Variants in RABL2A observed in about 807,000 individuals in gnomAD.
RABL2A encodes the protein RAB, member of RAS oncogene family like 2A.
RABL2A carries 17 observed loss-of-function variants against 30.7 expected under a neutral mutation model. That is an observed-to-expected ratio of 0.55 (90% CI 0.38 to 0.83). RABL2A has a LOEUF of 0.83. RABL2A is among the 40% of genes least tolerant of loss of function. The pLI, the probability that RABL2A is intolerant of heterozygous loss-of-function variation, is 0.00. For synonymous variants in RABL2A, 64 were observed against 101.8 expected (o/e 0.63, Z 2.24); for missense variants, 155 against 272.6 (o/e 0.57, Z 3.04).
chr2:113,630,204 T>C (rs1312017434), intron 2 of RABL2A, among the ~76,000 whole-genome samples: 1 of 152,234 alleles, frequency 6.6e-6, no homozygotes, highest in East Asian at 1.9e-4. Flanking sequence ...CAAGCCAGTC[T>C]TCATCCACTA....
intron 2 of RABL2A, among the ~76,000 whole-genome samples, chr2:113,632,512 G>A (rs1237743838): frequency 6.6e-6 from 1 of 152,230 alleles, no homozygotes; most frequent in African/African-American, 2.4e-5. Context: ...TGGCCAGGCT[G>A]CTCTCGGCCT....
At chr2:113,633,923 C>T (rs572133550) in intron 3 of RABL2A, 24 of 847,268 alleles carry the variant, frequency 2.8e-5, no homozygotes, top group African/African-American at 1.0e-4. Context: ...CCTCAGACTT[C>T]GATGGCCAGG....
Position 113,642,565 on chromosome 2 carries a change from G to A in RABL2A, c.*436G>A, listed in dbSNP as rs1248717935. 1 of 246,424 alleles carries A rather than the reference G, an allele frequency of 4.1e-6. No individual in the cohort carries two copies. Among genetic ancestry groups the A allele is most frequent in the Non-Finnish European group, 8.0e-6 (1 of 125,100 alleles). 15.3% of individuals were successfully genotyped at this position (246,424 alleles called of 1,614,324 possible). A position where few individuals can be genotyped will look rare whatever the true frequency, so the allele number is the denominator to read the frequency against. ...TGATTACCCCCCCACCCACAGCTGA[G>A]TCTGTGAGGCCCCATCCTTTCCCTA... On this transcript the variant is annotated 3_prime_UTR_variant, in exon 9 of 9. Transcript: ENST00000683472.
chr2:113,642,861 C>T lies in RABL2A; in HGVS notation c.*732C>T, dbSNP rs1252362714. The stretch of plus-strand genomic sequence containing the variant: ...CAGGATGGTCTCGATCTCCTCACCT[C>T]GTGATCCGCCCGCCTCGGCCTCCCA... On this transcript the variant is annotated 3_prime_UTR_variant, in exon 9 of 9. Transcript: ENST00000683472. 25 of 277,714 alleles carry T rather than the reference C, an allele frequency of 9.0e-5. No homozygotes were observed. The highest frequency in any genetic ancestry group is 4.7e-4 in the African/African-American group (20 of 42,328). The allele number at this position is 277,714 out of a possible 1,614,324, so 17.2% of individuals were successfully genotyped here.
rs559828939 is a variant in RABL2A at position 113,643,106 on chromosome 2, C to T, written c.*977C>T. On this transcript the variant is annotated 3_prime_UTR_variant, in exon 9 of 9. Coordinates refer to ENST00000683472, the MANE Select transcript of RABL2A (RefSeq NM_001306158.2). ...TAAAATCGAGTCCTTACAGCCATAC[C>T]ACAAGGTACGTCCATTTGGACTACA... 4.6e-5 allele frequency: 21 copies of T among 453,484 alleles called. No individual in the cohort carries two copies. Among genetic ancestry groups the T allele is most frequent in the African/African-American group, 2.4e-4 (12 of 49,982 alleles). 28.1% of individuals were successfully genotyped at this position (453,484 alleles called of 1,614,324 possible). A position where few individuals can be genotyped will look rare whatever the true frequency, so the allele number is the denominator to read the frequency against.
Position 113,634,240 on chromosome 2 carries a change from G to A in RABL2A, c.217+8G>A. On this transcript the variant is annotated splice_region_variant and intron_variant, in intron 4 of 8. Coordinates refer to ENST00000683472, the MANE Select transcript of RABL2A (RefSeq NM_001306158.2). ...GCAAGACCATCCTTGTGGGTAAGTG[G>A]CACAGGGCCAAGACATGCTGACCCT... 1 of 1,608,440 alleles carries A rather than the reference G, an allele frequency of 6.2e-7. No individual in the cohort carries two copies. Among genetic ancestry groups the A allele is most frequent in the Non-Finnish European group, 8.5e-7 (1 of 1,177,242 alleles).
At chr2:113,634,048 A>G in intron 3 of RABL2A, 105 bp from the exon 4 acceptor site, 1 of 1,454,956 alleles carries the variant, frequency 6.9e-7, no homozygotes, top group Non-Finnish European at 9.4e-7. Context: ...ATAACTCCAA[A>G]GAGAAGAGGA....
chr2:113,638,239 C>T, intron 5 of RABL2A: 1 of 985,370 alleles, frequency 1.0e-6, no homozygotes, highest in Non-Finnish European at 1.2e-6. Flanking sequence ...GAAAGAGAAT[C>T]TACATAGACT....
chr2:113,631,898 T>C (rs1196869465), intron 2 of RABL2A, among the ~76,000 whole-genome samples: 3 of 152,014 alleles, frequency 2.0e-5, no homozygotes, highest in Admixed American at 6.6e-5. Context: ...AATTTCTTTG[T>C]GTAATTTTCT....
At chr2:113,627,697 C>T (rs574607936) in intron 1 of RABL2A, among the ~76,000 whole-genome samples, 1 of 152,320 alleles carries the variant, frequency 6.6e-6, no homozygotes, top group East Asian at 1.9e-4. Flanking sequence ...GAGGGAGGAT[C>T]GCTTGAGTCC....
In RABL2A at chr2:113,643,061, A is replaced by G; in HGVS notation, c.*932A>G. The G allele has an allele frequency of 2.3e-6, 1 of 440,554 alleles. No individual in the cohort carries two copies. The highest frequency in any genetic ancestry group is 4.5e-6 in the Non-Finnish European group (1 of 221,852). 27.3% of individuals were successfully genotyped at this position (440,554 alleles called of 1,614,324 possible). ...AACAGCAGGTGACAGGCCTAGCTAT[A>G]GTTAGGAATACACAAGCGGTAAAAT... On this transcript the variant is annotated 3_prime_UTR_variant, in exon 9 of 9. Coordinates refer to ENST00000683472, the MANE Select transcript of RABL2A (RefSeq NM_001306158.2).
Position 113,637,585 on chromosome 2 carries a change from C to T in RABL2A, c.297+2455C>T, listed in dbSNP as rs190600210. 1.9e-4 allele frequency: 232 copies of T among 1,210,534 alleles called. No homozygotes were observed. The African/African-American group carries it at 3.2e-3, about 17-fold the overall frequency. The allele number at this position is 1,210,534 out of a possible 1,614,324, so 75.0% of individuals were successfully genotyped here. ...GAAGGAACTCGTCACCTAATTCCCCCGACTGCCCGTTAAGAACAAAATCCC... is the reference window on the plus strand; with the variant it reads ...GAAGGAACTCGTCACCTAATTCCCCTGACTGCCCGTTAAGAACAAAATCCC... On this transcript the variant is annotated intron_variant, in intron 5 of 8. Coordinates refer to ENST00000683472, the MANE Select transcript of RABL2A (RefSeq NM_001306158.2).
intron 5 of RABL2A, chr2:113,640,333 G>C (rs1684667664): frequency 6.4e-6 from 1 of 155,076 alleles, no homozygotes; most frequent in South Asian, 2.0e-4. Flanking sequence ...TGTTAAAATA[G>C]GTGAATAAGA....
chr2:113,637,570 G>A (rs71252677), intron 5 of RABL2A: 19 of 1,207,028 alleles, frequency 1.6e-5, no homozygotes, highest in Non-Finnish European at 1.9e-5. Context: ...GAAGGAACTC[G>A]TCACCTAATT....
At position 113,628,856 on chromosome 2, in the gene RABL2A, C is replaced by T. The variant is rs563364517; in HGVS notation, c.107+143C>T. ...TGGAGCCCAGATGTTCATGGGGGAA[C>T]GAGGGGAATCACATGACCCGTTGTG... On this transcript the variant is annotated intron_variant, in intron 2 of 8. Transcript: ENST00000683472. The T allele has an allele frequency of 3.0e-3, 4,683 of 1,535,670 alleles. 12 individuals carry two copies. Among genetic ancestry groups the T allele is most frequent in the Non-Finnish European group, 3.9e-3 (4,357 of 1,124,852 alleles).
At chr2:113,634,119 C>T (rs748568087) in intron 3 of RABL2A, 34 bp from the exon 4 acceptor site, 11 of 1,589,342 alleles carry the variant, frequency 6.9e-6, no homozygotes, top group Non-Finnish European at 9.4e-6. Context: ...CTTACCTCCC[C>T]TTTTATTGAT....
At chr2:113,639,781 A>G (rs1237850413) in intron 5 of RABL2A, among the ~76,000 whole-genome samples, 6 of 151,812 alleles carry the variant, frequency 4.0e-5, no homozygotes, top group African/African-American at 1.2e-4. Context: ...ACTTGAACAC[A>G]GAAGGCAAAG....
chr2:113,640,816 G>T (rs1658637223), intron 5 of RABL2A, 78 bp from the exon 6 acceptor site: 1 of 1,594,618 alleles, frequency 6.3e-7, no homozygotes, highest in African/African-American at 1.3e-5. Context: ...TTACCTGCTT[G>T]GGTGTGTGAG....
At chr2:113,628,933 C>T in intron 2 of RABL2A, among the ~76,000 whole-genome samples, 1 of 151,776 alleles carries the variant, frequency 6.6e-6, no homozygotes, top group Non-Finnish European at 1.5e-5. Context: ...TGAATGTTTC[C>T]TCTGAGCCCT....
Sources: allele counts gnomAD v4.1 joint callset (sites outside exome capture counted in the v4.1 genomes callset), GRCh38; gene constraint gnomAD v4.1.1; transcripts MANE v1.5; gene names NCBI Gene and HGNC (gene_info 2026-07-23, HGNC 2026-07-21).